The following WDR33 variants were observed in gnomAD, a reference collection of about 807,000 sequenced individuals.
The protein encoded by WDR33 is pre-mRNA 3' end processing protein WDR33.
Under a neutral mutation model 164.9 loss-of-function variants are expected in WDR33, and 47 were observed. That is an observed-to-expected ratio of 0.29 (90% CI 0.23 to 0.36). The LOEUF (loss-of-function observed/expected upper bound fraction) is 0.36, where lower values mean the gene tolerates loss of function less well. Ranked by LOEUF, WDR33 falls within the 10% of genes least tolerant of loss-of-function variation. WDR33 has a pLI of 1.00. For missense variants in WDR33, 1,137 were observed against 1,754.1 expected (o/e 0.65, Z 6.28); for synonymous variants, 505 against 589.0 (o/e 0.86, Z 2.06).
intron 7 of WDR33, among the ~76,000 whole-genome samples, chr2:127,754,067 T>C (rs1687447848): frequency 1.3e-5 from 2 of 152,168 alleles, no homozygotes; most frequent in Admixed American, 6.5e-5. Flanking sequence ...TTACTGTATA[T>C]ATACAATTAA....
chr2:127,753,923 T>C (rs937883883), intron 7 of WDR33, among the ~76,000 whole-genome samples: 1 of 152,084 alleles, frequency 6.6e-6, no homozygotes, highest in Admixed American at 6.5e-5. Context: ...ACCTACCTAG[T>C]AAAAAGCTAA....
At chr2:127,805,862 G>A (rs1205218180) in intron 1 of WDR33, among the ~76,000 whole-genome samples, 1 of 151,768 alleles carries the variant, frequency 6.6e-6, no homozygotes, top group Non-Finnish European at 1.5e-5. Flanking sequence ...TGTATTCCCT[G>A]CCATAATATC....
chr2:127,726,526 C>A lies in WDR33; in HGVS notation c.851+125G>T. 1 of 1,280,744 alleles carries A rather than the reference C, an allele frequency of 7.8e-7. No individual in the cohort carries two copies. Among genetic ancestry groups the A allele is most frequent in the Non-Finnish European group, 1.1e-6 (1 of 939,052 alleles). 79.3% of individuals were successfully genotyped at this position (1,280,744 alleles called of 1,614,324 possible). Reference sequence around the variant, plus strand: ...TTAATTCATAAGAAGTCTATAGATCCAAGTCCATCTGTTGCCTAAATGACT... The same window carrying A: ...TTAATTCATAAGAAGTCTATAGATCAAAGTCCATCTGTTGCCTAAATGACT... On this transcript the variant is annotated intron_variant, in intron 8 of 21. Coordinates refer to ENST00000322313, the MANE Select transcript of WDR33 (RefSeq NM_018383.5). This position sits in a 1 kb window ranked among gnomAD's most constrained non-coding sequence, Gnocchi z 4.8.
At chr2:127,739,009 G>C (rs916542210) in intron 7 of WDR33, among the ~76,000 whole-genome samples, 2 of 152,242 alleles carry the variant, frequency 1.3e-5, no homozygotes, top group East Asian at 1.9e-4. Flanking sequence ...TTTGCCCACA[G>C]ACCTCAGAAA....
chr2:127,809,031 C>CAAAAAAAAAAAAA (rs11305287), intron 1 of WDR33, among the ~76,000 whole-genome samples: 1 of 84,934 alleles, frequency 1.2e-5, no homozygotes, highest in African/African-American at 4.6e-5. Context: ...ACTCTTGTCT[C>CAAAAAAAAAAAAA]AAAAAAAAAA....
Position 127,722,708 on chromosome 2 carries a change from A to C in WDR33, c.1401T>G (p.Ile467Met), listed in dbSNP as rs749884757. ...AATCTAAACCTGGAATTGTCATTTC[A>C]ATTTCATTTGATTCATCTTTCCCTG... ...EQMGKDESNEIEMTIPGLDWG... is the reference protein window; with the variant it reads ...EQMGKDESNEMEMTIPGLDWG... Residue 467 changes from isoleucine (I) to methionine (M), a missense_variant, in exon 14 of 22, where the codon ATT (isoleucine) becomes ATG (methionine). Physicochemically the swap from Ile to Met is conservative, Grantham distance 10. Transcript: ENST00000322313. The surrounding 1 kb of genome is among the most constrained non-coding windows in gnomAD (Gnocchi z 5.1). The C allele has an allele frequency of 6.2e-7, 1 of 1,614,008 alleles. No homozygotes were observed. Among genetic ancestry groups the C allele is most frequent in the South Asian group, 1.1e-5 (1 of 91,020 alleles).
chr2:127,754,630 C>T (rs1009720795), intron 7 of WDR33, among the ~76,000 whole-genome samples: 2 of 149,192 alleles, frequency 1.3e-5, no homozygotes, highest in Admixed American at 6.7e-5. Context: ...ACTTTGTTGC[C>T]CAGGCTGGTC....
At chr2:127,790,537 C>T (rs952189454) in intron 1 of WDR33, among the ~76,000 whole-genome samples, 1 of 152,224 alleles carries the variant, frequency 6.6e-6, no homozygotes, top group East Asian at 1.9e-4. Flanking sequence ...AAGTGGCCAG[C>T]GAAACCATCT....
At chr2:127,725,735 A>AAATAATAAT (rs56352036) in intron 8 of WDR33, among the ~76,000 whole-genome samples, 53 of 141,098 alleles carry the variant, frequency 3.8e-4, no homozygotes, top group South Asian at 6.8e-4. Context: ...CTCTGTCTCA[A>AAATAATAAT]AATAATAATA....
At chr2:127,760,369 T>G (rs981543642) in intron 7 of WDR33, among the ~76,000 whole-genome samples, 3 of 152,234 alleles carry the variant, frequency 2.0e-5, no homozygotes, top group African/African-American at 4.8e-5. Context: ...GCGTGTTACA[T>G]GAACATCATC....
intron 17 of WDR33, among the ~76,000 whole-genome samples, chr2:127,715,294 A>T (rs991470062): frequency 6.6e-6 from 1 of 152,000 alleles, no homozygotes; most frequent in African/African-American, 2.4e-5. Flanking sequence ...CATGTTGGCC[A>T]GGCTAGTCTT....
In WDR33 at chr2:127,703,957, A is replaced by G. The variant is rs890916339; in HGVS notation, c.*2366T>C. 1 of 166,770 alleles carries G rather than the reference A, an allele frequency of 6.0e-6. No individual in the cohort carries two copies. The highest frequency in any genetic ancestry group is 2.4e-5 in the African/African-American group (1 of 41,374). 10.3% of individuals were successfully genotyped at this position (166,770 alleles called of 1,614,324 possible). A position where few individuals can be genotyped will look rare whatever the true frequency, so the allele number is the denominator to read the frequency against. The stretch of plus-strand genomic sequence containing the variant: ...ACACAGTTAAACCCCATCGCCACAG[A>G]AAATCTTCAAAAAATTTGCCAGATA... On this transcript the variant is annotated 3_prime_UTR_variant, in exon 22 of 22. Coordinates refer to ENST00000322313, the MANE Select transcript of WDR33 (RefSeq NM_018383.5).
At chr2:127,788,018 G>T (rs1272955268) in intron 1 of WDR33, among the ~76,000 whole-genome samples, 1 of 83,006 alleles carries the variant, frequency 1.2e-5, no homozygotes, top group Non-Finnish European at 2.3e-5. Context: ...CGGGCGGGGG[G>T]GCTGACACCC....
At position 127,701,930 on chromosome 2, in the gene WDR33, C is replaced by G; in HGVS notation, c.*4393G>C. The G allele has an allele frequency of 7.0e-7, 1 of 1,429,124 alleles. No individual in the cohort carries two copies. The highest frequency in any genetic ancestry group is 3.1e-5 in the East Asian group (1 of 31,932). The allele number at this position is 1,429,124 out of a possible 1,614,324, so 88.5% of individuals were successfully genotyped here. A position where few individuals can be genotyped will look rare whatever the true frequency, so the allele number is the denominator to read the frequency against. On this transcript the variant is annotated 3_prime_UTR_variant, in exon 22 of 22. Transcript: ENST00000322313. ...TGCGGGGCGGCGCGGCGTGCGGACG[C>G]CTGCTGCGCTGCGAAGAAGCGCCGT... is the stretch of plus-strand genomic sequence containing the variant.
At chr2:127,744,253 A>G (rs73958008) in intron 7 of WDR33, among the ~76,000 whole-genome samples, 4,119 of 152,254 alleles carry the variant, frequency 0.027, 200 homozygotes, top group African/African-American at 0.093. Flanking sequence ...TAGGAGTCTA[A>G]CCTAATGGAA....
intron 1 of WDR33, among the ~76,000 whole-genome samples, chr2:127,801,829 A>G (rs1169052810): frequency 3.9e-5 from 6 of 151,990 alleles, no homozygotes; most frequent in Non-Finnish European, 7.4e-5. Flanking sequence ...TGCTGCAGTG[A>G]GCCGAGATCG....
intron 1 of WDR33, among the ~76,000 whole-genome samples, chr2:127,775,534 G>C (rs542555954): frequency 6.6e-6 from 1 of 152,310 alleles, no homozygotes; most frequent in East Asian, 1.9e-4. Flanking sequence ...ACAACAAAAA[G>C]TTGATGACTG....
intron 1 of WDR33, among the ~76,000 whole-genome samples, chr2:127,789,911 C>T (rs991956872): frequency 4.0e-5 from 6 of 151,630 alleles, no homozygotes; most frequent in Non-Finnish European, 7.4e-5. Context: ...TCTCGGCTCA[C>T]TGCAGCCTCC....
chr2:127,727,179 C>A (rs10210689), intron 7 of WDR33, among the ~76,000 whole-genome samples: 1 of 152,290 alleles, frequency 6.6e-6, no homozygotes, highest in East Asian at 1.9e-4. Flanking sequence ...TTCTTACAGA[C>A]GAACTTGATT....
Sources: gnomAD v4.1 joint callset for allele counts (sites outside exome capture counted in the v4.1 genomes callset) on GRCh38, gnomAD v4.1.1 for gene constraint, Gnocchi (gnomAD v3.1) non-coding constraint, MANE v1.5 for transcripts, NCBI Gene and HGNC (gene_info 2026-07-23, HGNC 2026-07-21) for gene names.